Variants in PARD3B observed in about 807,000 individuals in gnomAD.
The protein encoded by PARD3B is par-3 family cell polarity regulator beta.
PARD3B carries 103 observed loss-of-function variants against 130.2 expected under a neutral mutation model. That is an observed-to-expected ratio of 0.79 (90% confidence interval 0.67 to 0.93). PARD3B has a LOEUF of 0.93. Among genes scored for constraint, PARD3B ranks in the 40% least tolerant of loss-of-function variants. The probability of loss-of-function intolerance (pLI) is 0.00; values close to 1 mark genes in which losing one functional copy is unlikely to be tolerated. For missense variants in PARD3B, 1,609 were observed against 1,499.2 expected (o/e 1.07, Z -1.21); for synonymous variants, 583 against 553.2 (o/e 1.05, Z -0.76).
chr2:205,080,892 T>C (rs1041519419), intron 4 of PARD3B, among the ~76,000 whole-genome samples: 2 of 152,124 alleles, frequency 1.3e-5, no homozygotes, highest in African/African-American at 4.8e-5. Flanking sequence ...TGAGCACCTC[T>C]TCATATGTTT....
intron 10 of PARD3B, among the ~76,000 whole-genome samples, chr2:205,133,942 G>A (rs1029755403): frequency 1.3e-5 from 2 of 152,174 alleles, no homozygotes; most frequent in Non-Finnish European, 2.9e-5. Flanking sequence ...GGAATATTGG[G>A]TTGTTGGTAT....
At chr2:205,225,181 A>G (rs889486999) in intron 15 of PARD3B, among the ~76,000 whole-genome samples, 4 of 152,186 alleles carry the variant, frequency 2.6e-5, no homozygotes, top group African/African-American at 9.7e-5. Context: ...AGGAACCTCC[A>G]AACCATTTTC....
intron 15 of PARD3B, among the ~76,000 whole-genome samples, chr2:205,238,849 A>AAAAAAAAAATAT (rs1273582854): frequency 1.3e-5 from 1 of 76,916 alleles, no homozygotes; most frequent in Non-Finnish European, 2.3e-5. Context: ...AAAAAAAAAA[A>AAAAAAAAAATAT]ATATATATAT....
At chr2:205,510,390 A>G (rs946628662) in intron 21 of PARD3B, among the ~76,000 whole-genome samples, 16 of 152,150 alleles carry the variant, frequency 1.1e-4, no homozygotes, top group African/African-American at 4.8e-5. Context: ...GCCCTTGGAC[A>G]TTATATAGCA....
At chr2:204,790,210 C>T (rs895241752) in intron 2 of PARD3B, among the ~76,000 whole-genome samples, 1 of 152,116 alleles carries the variant, frequency 6.6e-6, no homozygotes, top group Admixed American at 6.5e-5. Flanking sequence ...CAATTTAGAC[C>T]TCTTGAGTTG....
chr2:205,226,191 G>A (rs538547927), intron 15 of PARD3B, among the ~76,000 whole-genome samples: 8 of 152,256 alleles, frequency 5.3e-5, no homozygotes, highest in South Asian at 4.1e-4. Flanking sequence ...ACAGGTGCCT[G>A]CCACCACGCC....
At chr2:204,753,358 A>G (rs2040538682) in intron 2 of PARD3B, among the ~76,000 whole-genome samples, 1 of 152,178 alleles carries the variant, frequency 6.6e-6, no homozygotes, top group African/African-American at 2.4e-5. Flanking sequence ...TTCTATTAAT[A>G]TATGGTATTA....
intron 18 of PARD3B, among the ~76,000 whole-genome samples, chr2:205,314,418 T>G (rs531220951): frequency 6.6e-6 from 1 of 152,326 alleles, no homozygotes; most frequent in East Asian, 1.9e-4. Flanking sequence ...AGTGTATACT[T>G]TCTTACACTC....
At position 205,116,575 on chromosome 2, in the gene PARD3B, C is replaced by T. The variant is rs1235516023; in HGVS notation, c.681-2346C>T. 2.0e-5 allele frequency among the ~76,000 whole-genome samples: 3 copies of T among 152,152 alleles called. No individual in the cohort carries two copies. The highest frequency in any genetic ancestry group is 4.4e-5 in the Non-Finnish European group (3 of 68,028). On this transcript the variant is annotated intron_variant, in intron 6 of 22. Coordinates refer to ENST00000406610, the MANE Select transcript of PARD3B (RefSeq NM_001302769.2). This position sits in a 1 kb window ranked among gnomAD's most constrained non-coding sequence, Gnocchi z 4.5. Reference sequence around the variant, plus strand: ...GTCTCGGCCTATAACTCCTCGACAGCATTAATCTTTAAATTCTGCGAGTCT... The same window carrying T: ...GTCTCGGCCTATAACTCCTCGACAGTATTAATCTTTAAATTCTGCGAGTCT...
intron 6 of PARD3B, among the ~76,000 whole-genome samples, chr2:205,118,582 A>G (rs1397542823): frequency 3.9e-5 from 6 of 152,236 alleles, no homozygotes; most frequent in African/African-American, 1.4e-4. Context: ...GCACTAACTC[A>G]GACTTACTAT....
At chr2:204,902,586 G>C (rs1468051223) in intron 2 of PARD3B, among the ~76,000 whole-genome samples, 38 of 150,188 alleles carry the variant, frequency 2.5e-4, no homozygotes. Context: ...GGAGAATGGC[G>C]TGAACCCGGG....
At chr2:205,062,987 AG>A (rs1233912306) in intron 4 of PARD3B, among the ~76,000 whole-genome samples, 2 of 151,914 alleles carry the variant, frequency 1.3e-5, no homozygotes, top group Admixed American at 6.6e-5. Flanking sequence ...GGGGTGAGGG[AG>A]GGGGTTTGCT....
intron 15 of PARD3B, among the ~76,000 whole-genome samples, chr2:205,203,223 TTGTC>T (rs1454328850): frequency 6.6e-6 from 1 of 152,140 alleles, no homozygotes; most frequent in Non-Finnish European, 1.5e-5. Flanking sequence ...ACTTAGAACA[TTGTC>T]TGTGCTCTGA....
chr2:204,608,803 C>G (rs77757210), intron 1 of PARD3B, among the ~76,000 whole-genome samples: 4,536 of 152,248 alleles, frequency 0.03, 90 homozygotes, highest in Non-Finnish European at 0.044. Flanking sequence ...GGGGAAGCTG[C>G]AAGGGTTTTA....
At chr2:205,124,225 T>C (rs987624224) in intron 8 of PARD3B, 102 bp from the exon 9 acceptor site, 17 of 943,992 alleles carry the variant, frequency 1.8e-5, no homozygotes, top group Non-Finnish European at 2.5e-5. Context: ...AATATTTTAC[T>C]GATTCTATAT....
intron 19 of PARD3B, among the ~76,000 whole-genome samples, chr2:205,432,234 A>G (rs1053414888): frequency 6.6e-6 from 1 of 152,170 alleles, no homozygotes; most frequent in Non-Finnish European, 1.5e-5. Flanking sequence ...CACCTGGCTT[A>G]TTGTAATAAC....
At chr2:204,954,260 T>A (rs188222204) in intron 2 of PARD3B, among the ~76,000 whole-genome samples, 192 of 152,286 alleles carry the variant, frequency 1.3e-3, no homozygotes, top group African/African-American at 4.3e-3. Flanking sequence ...TTAATTTTTT[T>A]AAATATGGGC....
intron 2 of PARD3B, among the ~76,000 whole-genome samples, chr2:204,758,976 T>TA (rs1472511577): frequency 6.6e-6 from 1 of 152,206 alleles, no homozygotes; most frequent in Non-Finnish European, 1.5e-5. Context: ...TCATATCTCA[T>TA]ATAGACTTGT....
At position 204,943,645 on chromosome 2, in the gene PARD3B, G is replaced by A. The variant is rs528319539; in HGVS notation, c.223-21507G>A. Among the ~76,000 whole-genome samples the A allele has an allele frequency of 2.0e-5, 3 of 152,180 alleles. No homozygotes were observed. Among genetic ancestry groups the A allele is most frequent in the Non-Finnish European group, 2.9e-5 (2 of 68,040 alleles). Reference sequence around the variant, plus strand: ...AGTTTGGAATTTATTTTGTTTTATTGTATTGGATTCCATATTAATAGAGGT... The same window carrying A: ...AGTTTGGAATTTATTTTGTTTTATTATATTGGATTCCATATTAATAGAGGT... On this transcript the variant is annotated intron_variant, in intron 2 of 22. Coordinates refer to ENST00000406610, the MANE Select transcript of PARD3B (RefSeq NM_001302769.2). This position sits in a 1 kb window ranked among gnomAD's most constrained non-coding sequence, Gnocchi z 4.2.
Sources: gnomAD v4.1 joint callset for allele counts (sites outside exome capture counted in the v4.1 genomes callset) on GRCh38, gnomAD v4.1.1 for gene constraint, Gnocchi (gnomAD v3.1) non-coding constraint, MANE v1.5 for transcripts, NCBI Gene and HGNC (gene_info 2026-07-23, HGNC 2026-07-21) for gene names.